MAP4K1: variants seen among roughly 807,000 people sequenced by gnomAD.
MAP4K1 encodes the protein mitogen-activated protein kinase kinase kinase kinase 1.
MAP4K1 carries 35 observed loss-of-function variants against 122.8 expected under a neutral mutation model. The ratio of observed to expected loss-of-function variants is 0.29; its 90% CI spans 0.22 to 0.38. The LOEUF (loss-of-function observed/expected upper bound fraction) is 0.38, where lower values mean the gene tolerates loss of function less well. MAP4K1 is among the 10% of genes least tolerant of loss of function. The pLI is 1.00. For synonymous variants in MAP4K1, 412 were observed against 421.3 expected, an observed-to-expected ratio of 0.98 and a Z score of 0.27; for missense variants, 791 against 1,072.6, an observed-to-expected ratio of 0.74 and a Z score of 3.67.
At position 38,617,690 on chromosome 19, in the gene MAP4K1, G is replaced by C; in HGVS notation, c.100-65C>G. 1 of 1,606,690 alleles carries C rather than the reference G, an allele frequency of 6.2e-7. No homozygotes were observed. The highest frequency in any genetic ancestry group is 8.5e-7 in the Non-Finnish European group (1 of 1,173,268). ...GCCAGAGTCCCTCCACAGCATCCCTGAGTCAAGGTCAAGAACTGGGACCCC... is the reference window on the plus strand; with the variant it reads ...GCCAGAGTCCCTCCACAGCATCCCTCAGTCAAGGTCAAGAACTGGGACCCC... On this transcript the variant is annotated intron_variant, in intron 1 of 30. Coordinates refer to ENST00000396857, the MANE Select transcript of MAP4K1 (RefSeq NM_001042600.3). The surrounding 1 kb of genome is among the most constrained non-coding windows in gnomAD (Gnocchi z 4.1).
At chr19:38,592,972 T>A (rs1173314159) in intron 30 of MAP4K1, among the ~76,000 whole-genome samples, 1 of 151,816 alleles carries the variant, frequency 6.6e-6, no homozygotes, top group African/African-American at 2.4e-5. Context: ...TGGTGGCACA[T>A]GCCGGTAGTT....
intron 19 of MAP4K1, chr19:38,601,730 G>C: frequency 3.7e-6 from 2 of 542,416 alleles, no homozygotes; most frequent in Non-Finnish European, 6.4e-6. Flanking sequence ...TTTTTTTGTT[G>C]TTGTTATATA....
chr19:38,609,855 C>A, intron 12 of MAP4K1, 54 bp downstream of exon 12: 1 of 1,507,692 alleles, frequency 6.6e-7, no homozygotes. Context: ...GCAGCAGGCA[C>A]AGCCTGAGAA....
chr19:38,612,757 G>C lies in MAP4K1; in HGVS notation c.534-15C>G. 1.9e-6 allele frequency: 3 copies of C among 1,611,610 alleles called. No individual in the cohort carries two copies. Among genetic ancestry groups the C allele is most frequent in the African/African-American group, 2.7e-5 (2 of 75,024 alleles). On this transcript the variant is annotated splice_polypyrimidine_tract_variant and intron_variant, in intron 8 of 30. Coordinates refer to ENST00000396857, the MANE Select transcript of MAP4K1 (RefSeq NM_001042600.3). ...CCGGAGCCATCCTGGGGGCAGACACGCTCAGAGAGCCAGAGGTGGCATGGG... is the reference window on the plus strand; with the variant it reads ...CCGGAGCCATCCTGGGGGCAGACACCCTCAGAGAGCCAGAGGTGGCATGGG...
chr19:38,597,661 C>T lies in MAP4K1; in HGVS notation c.1670-67G>A. On this transcript the variant is annotated intron_variant, in intron 22 of 30. Transcript: ENST00000396857. This position sits in a 1 kb window ranked among gnomAD's most constrained non-coding sequence, Gnocchi z 4.6. ...GATCCCATATACCACTTCCTTTCCT[C>T]CATCCCTTCCCTCAGCCCCATCCCT... 2 of 1,028,466 alleles carry T rather than the reference C, an allele frequency of 1.9e-6. No homozygotes were observed. The highest frequency in any genetic ancestry group is 2.9e-6 in the Non-Finnish European group (2 of 699,192). The allele number at this position is 1,028,466 out of a possible 1,614,324, so 63.7% of individuals were successfully genotyped here.
At chr19:38,602,449 C>T (rs1404095578) in intron 19 of MAP4K1, among the ~76,000 whole-genome samples, 1 of 146,852 alleles carries the variant, frequency 6.8e-6, no homozygotes, top group Admixed American at 6.7e-5. Flanking sequence ...TACACACACA[C>T]ATACATATAT....
At chr19:38,612,179 G>A (rs1353346776) in intron 9 of MAP4K1, among the ~76,000 whole-genome samples, 3 of 151,970 alleles carry the variant, frequency 2.0e-5, no homozygotes, top group African/African-American at 4.8e-5. Flanking sequence ...CAGCACCTCC[G>A]GAAGCCAAGA....
intron 17 of MAP4K1, 110 bp downstream of exon 17, chr19:38,606,063 C>G: frequency 1.2e-6 from 1 of 857,278 alleles, no homozygotes; most frequent in South Asian, 1.5e-5. Flanking sequence ...ATCCTGGTCT[C>G]CCCAATTCCC....
At chr19:38,589,016 C>T (rs1974619298) in intron 30 of MAP4K1, among the ~76,000 whole-genome samples, 1 of 152,130 alleles carries the variant, frequency 6.6e-6, no homozygotes, top group Admixed American at 6.6e-5. Context: ...ATGGAGAAGA[C>T]ACAGCTCTTC....
Position 38,603,095 on chromosome 19 carries a change from T to C in MAP4K1, c.1447-1570A>G, listed in dbSNP as rs948570159. Among the ~76,000 whole-genome samples the C allele has an allele frequency of 5.6e-5, 8 of 141,848 alleles. 1 individual carries two copies. The highest frequency in any genetic ancestry group is 9.1e-5 in the Non-Finnish European group (6 of 65,662). The allele number at this position is 141,848 out of a possible 152,430, so 93.1% of individuals were successfully genotyped here. The stretch of plus-strand genomic sequence containing the variant: ...ATACATATATACACATGTACATATA[T>C]ACACATGTACATATATACACATGTA... On this transcript the variant is annotated intron_variant, in intron 19 of 30. Transcript: ENST00000396857.
chr19:38,611,489 G>GGCCAC (rs1975497297), intron 9 of MAP4K1, among the ~76,000 whole-genome samples, 184 bp from the exon 10 acceptor site: 3 of 152,152 alleles, frequency 2.0e-5, no homozygotes, highest in Non-Finnish European at 4.4e-5. Flanking sequence ...TGAAGTGATA[G>GGCCAC]AGCTATGGCA....
rs753450758 is a variant in MAP4K1, at chr19:38,609,610, T to G, written c.992A>C (p.Asp331Ala). ...TCTCTACTCACGACAGCAGTCTGCA[T>G]CTGGGATCCCCAGAGAGCTGGAGCG... Reference protein sequence around the residue: ...THRSSSLGIPDADCCRRHMEF... With the variant: ...THRSSSLGIPAADCCRRHMEF... The change falls in exon 13 of 31, where the codon GAT becomes GCT. Residue 331 changes from aspartate to alanine, a missense_variant. Coordinates refer to ENST00000396857, the MANE Select transcript of MAP4K1 (RefSeq NM_001042600.3). 2 of 1,613,872 alleles carry G rather than the reference T, an allele frequency of 1.2e-6. No individual in the cohort carries two copies. Among genetic ancestry groups the G allele is most frequent in the Admixed American group, 3.3e-5 (2 of 59,960 alleles).
rs1974919272 is a variant in MAP4K1, at chr19:38,597,278, TG to T, written c.1837+47del. On this transcript the variant is annotated intron_variant, in intron 24 of 30. Coordinates refer to ENST00000396857, the MANE Select transcript of MAP4K1 (RefSeq NM_001042600.3). The surrounding 1 kb of genome is among the most constrained non-coding windows in gnomAD (Gnocchi z 4.6). The stretch of plus-strand genomic sequence containing the variant: ...GTGGATGCAGTTCAAGCCCCTCCTC[TG>T]GCCTGGCCCCGCCCACTCTCTGCAC... The T allele has an allele frequency of 6.2e-7, 1 of 1,611,588 alleles. No homozygotes were observed. The highest frequency in any genetic ancestry group is 8.5e-7 in the Non-Finnish European group (1 of 1,178,352).
rs528570846 is a variant in MAP4K1, at chr19:38,607,855, C to T, written c.1157+9G>A. ...GGGCCTGTGGAGCTGCAGGCAGGGC[C>T]TCACTTACATGTCCACGTCGTCATA... is the stretch of plus-strand genomic sequence containing the variant. On this transcript the variant is annotated intron_variant, in intron 16 of 30. Coordinates refer to ENST00000396857, the MANE Select transcript of MAP4K1 (RefSeq NM_001042600.3). 6.2e-7 allele frequency: 1 copy of T among 1,610,378 alleles called. No individual in the cohort carries two copies. Among genetic ancestry groups the T allele is most frequent in the Admixed American group, 1.7e-5 (1 of 59,446 alleles).
intron 30 of MAP4K1, chr19:38,589,371 AT>A (rs1974634115): frequency 9.6e-6 from 2 of 208,022 alleles, no homozygotes; most frequent in Middle Eastern, 4.8e-4. Flanking sequence ...GAAACAACGT[AT>A]TTACAGACTA....
chr19:38,616,006 T>C (rs1376462790), intron 4 of MAP4K1, among the ~76,000 whole-genome samples, 189 bp downstream of exon 4: 2 of 145,950 alleles, frequency 1.4e-5, no homozygotes, highest in East Asian at 4.0e-4. Flanking sequence ...GCACAGTGGC[T>C]CAAGCCCGTA....
intron 4 of MAP4K1, 67 bp from the exon 5 acceptor site, chr19:38,614,512 T>C (rs1975590709): frequency 1.3e-6 from 2 of 1,549,870 alleles, no homozygotes; most frequent in South Asian, 2.2e-5. Context: ...TGGGGAGTCC[T>C]GCCCCCCCAC....
intron 26 of MAP4K1, 150 bp downstream of exon 26, chr19:38,596,162 C>T (rs1048922649): frequency 1.0e-5 from 13 of 1,282,916 alleles, no homozygotes; most frequent in East Asian, 2.5e-5. Flanking sequence ...ATCAATCTCC[C>T]CAGTTAACTA....
chr19:38,601,497 T>C lies in MAP4K1; in HGVS notation c.1475A>G (p.Asn492Ser), dbSNP rs2144713858. Residue 492 changes from asparagine (N) to serine (S), a missense_variant, in exon 20 of 31, where the codon AAT becomes AGT. Physicochemically the swap from Asn to Ser is conservative, Grantham distance 46. Around this residue, in one of 4 missense-constraint regions of MAP4K1, gnomAD observed 58 missense variants for 118.7 expected, o/e 0.49. Transcript: ENST00000396857. ...KGCALLVKLF[N>S]GCPLRIHSTA... ...GCTGTGGATCCGGAGGGGGCAGCCATTGAACAACTTTACGAGAAGGGCACA... is the reference window on the plus strand; with the variant it reads ...GCTGTGGATCCGGAGGGGGCAGCCACTGAACAACTTTACGAGAAGGGCACA... The C allele has an allele frequency of 1.2e-6, 2 of 1,609,548 alleles. No homozygotes were observed. Among genetic ancestry groups the C allele is most frequent in the African/African-American group, 1.3e-5 (1 of 74,918 alleles).
Sources: allele counts gnomAD v4.1 joint callset (sites outside exome capture counted in the v4.1 genomes callset), GRCh38; gene constraint gnomAD v4.1.1; regional missense constraint gnomAD v4.1.1; non-coding constraint Gnocchi (gnomAD v3.1); transcripts MANE v1.5; gene names NCBI Gene and HGNC (gene_info 2026-07-23, HGNC 2026-07-21).